ZMYM2: variants seen among roughly 807,000 people sequenced by gnomAD.
ZMYM2 encodes the protein zinc finger MYM-type protein 2.
In ZMYM2, 56 loss-of-function variants were observed where a neutral mutation model predicts 162.8. The observed-to-expected ratio is 0.34, with a 90% CI of 0.28 to 0.43. ZMYM2 has a LOEUF of 0.43. Among genes scored for constraint, ZMYM2 ranks in the 20% least tolerant of loss-of-function variants. ZMYM2 has a pLI of 1.00. For synonymous variants in ZMYM2, 510 were observed against 541.6 expected (o/e 0.94, Z 0.81); for missense variants, 1,275 against 1,621.8 (o/e 0.79, Z 3.67).
the ZMYM2 span, among the ~76,000 whole-genome samples, chr13:19,937,752 AG>A: frequency 6.1e-4 from 92 of 150,584 alleles, no homozygotes; most frequent in South Asian, 7.9e-3. Flanking sequence ...CTCGTCATTT[AG>A]CATTAGGTAT....
chr13:20,019,209 T>C (rs767943524), intron 6 of ZMYM2, among the ~76,000 whole-genome samples: 1 of 152,182 alleles, frequency 6.6e-6, no homozygotes, highest in African/African-American at 2.4e-5. Flanking sequence ...ATTATAAGTG[T>C]TAACAGTTTT....
At chr13:20,060,916 A>G in intron 16 of ZMYM2, 137 bp from the exon 17 acceptor site, 2 of 782,674 alleles carry the variant, frequency 2.6e-6, no homozygotes, top group Non-Finnish European at 2.0e-6. Context: ...TTAACATCTT[A>G]GTTTTGTATG....
chr13:19,872,868 G>A, the ZMYM2 span, among the ~76,000 whole-genome samples: 43 of 151,896 alleles, frequency 2.8e-4, no homozygotes, highest in African/African-American at 9.9e-4. Context: ...GCATGGTGGT[G>A]CATGCCTGGA....
chr13:19,972,889 G>A (rs1956445034), intron 2 of ZMYM2, among the ~76,000 whole-genome samples: 1 of 150,028 alleles, frequency 6.7e-6, no homozygotes, highest in South Asian at 2.1e-4. Flanking sequence ...TGTTATAGCT[G>A]TTACAAATTA....
chr13:19,994,871 C>T (rs1454226566), intron 3 of ZMYM2, among the ~76,000 whole-genome samples: 2 of 151,946 alleles, frequency 1.3e-5, no homozygotes, highest in South Asian at 2.1e-4. Flanking sequence ...CTCTCTCTGT[C>T]GCCCAGAGTG....
chr13:20,047,695 A>G (rs1234621888), intron 12 of ZMYM2, among the ~76,000 whole-genome samples: 2 of 152,038 alleles, frequency 1.3e-5, no homozygotes, highest in African/African-American at 4.8e-5. Context: ...AAATTGTTTT[A>G]CTTGACAAGA....
chr13:19,878,517 CTTTTTTT>C, the ZMYM2 span, among the ~76,000 whole-genome samples: 3 of 99,022 alleles, frequency 3.0e-5, no homozygotes, highest in East Asian at 3.3e-4. Flanking sequence ...TTCCTTTGCC[CTTTTTTT>C]TTTTTTTTTT....
chr13:19,951,442 C>T, the ZMYM2 span, among the ~76,000 whole-genome samples: 8 of 141,362 alleles, frequency 5.7e-5, no homozygotes, highest in African/African-American at 5.3e-5. Context: ...GTAATCCCAG[C>T]GCTTTGGGAG....
At chr13:19,939,103 A>T in the ZMYM2 span, among the ~76,000 whole-genome samples, 1 of 147,906 alleles carries the variant, frequency 6.8e-6, no homozygotes, top group Non-Finnish European at 1.5e-5. Flanking sequence ...GGCTCACTGC[A>T]ACCTCCGCCT....
At chr13:19,962,447 TAATA>T (rs1454405443) in intron 2 of ZMYM2, among the ~76,000 whole-genome samples, 7 of 146,922 alleles carry the variant, frequency 4.8e-5, no homozygotes, top group African/African-American at 1.3e-4. Flanking sequence ...ATATATATCA[TAATA>T]AATGTCGTTG....
At chr13:19,903,219 A>G in the ZMYM2 span, among the ~76,000 whole-genome samples, 21 of 151,946 alleles carry the variant, frequency 1.4e-4, no homozygotes, top group Non-Finnish European at 2.4e-4. Flanking sequence ...TGTGTTCCCA[A>G]CTGCTCAGGA....
chr13:20,049,262 A>G (rs1421069152), intron 12 of ZMYM2, among the ~76,000 whole-genome samples: 1 of 151,770 alleles, frequency 6.6e-6, no homozygotes, highest in East Asian at 1.9e-4. Flanking sequence ...TTCTTTGGGT[A>G]GAGGGAAATT....
chr13:19,912,871 G>A, the ZMYM2 span, among the ~76,000 whole-genome samples: 2 of 152,152 alleles, frequency 1.3e-5, no homozygotes, highest in African/African-American at 4.8e-5. Flanking sequence ...CTAAGGTGAA[G>A]GATAAGTGTT....
chr13:20,072,275 T>A (rs977809189), intron 21 of ZMYM2: 1 of 152,598 alleles, frequency 6.6e-6, no homozygotes, highest in East Asian at 1.9e-4. Flanking sequence ...ATCCCAACAC[T>A]TTGGGAGGCC....
intron 11 of ZMYM2, among the ~76,000 whole-genome samples, chr13:20,036,347 A>G (rs550472840): frequency 1.3e-5 from 2 of 152,202 alleles, no homozygotes; most frequent in South Asian, 2.1e-4. Flanking sequence ...GAATATCTCT[A>G]TAAATTTACT....
the ZMYM2 span, among the ~76,000 whole-genome samples, chr13:19,921,570 G>C: frequency 6.6e-6 from 1 of 151,462 alleles, no homozygotes; most frequent in Non-Finnish European, 1.5e-5. Flanking sequence ...TTTAAATTTT[G>C]TCGTTAAGCT....
chr13:19,885,546 A>G, the ZMYM2 span, among the ~76,000 whole-genome samples: 1 of 152,158 alleles, frequency 6.6e-6, no homozygotes, highest in Non-Finnish European at 1.5e-5. Flanking sequence ...TGTCTTAAAA[A>G]TATGTATTTT....
At chr13:20,037,158 T>TTA (rs2140372566) in intron 12 of ZMYM2, among the ~76,000 whole-genome samples, 1 of 152,018 alleles carries the variant, frequency 6.6e-6, no homozygotes, top group Non-Finnish European at 1.5e-5. Context: ...CATTGTAGTT[T>TTA]AACAAAATGG....
chr13:19,994,311 T>G (rs961459729), intron 3 of ZMYM2, among the ~76,000 whole-genome samples: 1 of 152,164 alleles, frequency 6.6e-6, no homozygotes, highest in African/African-American at 2.4e-5. Context: ...CGAGACGCCA[T>G]CTCTAAATTT....
Sources: gnomAD v4.1 joint callset for allele counts (sites outside exome capture counted in the v4.1 genomes callset) on GRCh38, gnomAD v4.1.1 for gene constraint, MANE v1.5 for transcripts, NCBI Gene and HGNC (gene_info 2026-07-23, HGNC 2026-07-21) for gene names.